Variants in EXOC6 observed in about 807,000 individuals in gnomAD.
The protein encoded by EXOC6 is SEC15-like 1.
Under a neutral mutation model 112.5 loss-of-function variants are expected in EXOC6, and 60 were observed. That is an observed-to-expected ratio of 0.53 (90% CI 0.43 to 0.66). The LOEUF (loss-of-function observed/expected upper bound fraction) is 0.66, where lower values mean the gene tolerates loss of function less well. Ranked by LOEUF, EXOC6 falls within the 30% of genes least tolerant of loss-of-function variation. The probability of loss-of-function intolerance (pLI) is 0.00; values close to 1 mark genes in which losing one functional copy is unlikely to be tolerated. For synonymous variants in EXOC6, 295 were observed against 308.0 expected (o/e 0.96, Z 0.44); for missense variants, 855 against 957.1 (o/e 0.89, Z 1.41).
chr10:92,975,857 C>T (rs1259166000), intron 18 of EXOC6, among the ~76,000 whole-genome samples: 1 of 139,486 alleles, frequency 7.2e-6, no homozygotes, highest in Non-Finnish European at 1.6e-5. Context: ...TCTGCCCGGC[C>T]GCCCCTACTG....
chr10:92,953,014 A>G (rs1853504702), intron 15 of EXOC6, among the ~76,000 whole-genome samples: 1 of 152,088 alleles, frequency 6.6e-6, no homozygotes, highest in Non-Finnish European at 1.5e-5. Flanking sequence ...TCCTTTGAGT[A>G]TATCCCCAAT....
At chr10:93,030,305 A>G (rs929508241) in intron 20 of EXOC6, among the ~76,000 whole-genome samples, 3 of 152,164 alleles carry the variant, frequency 2.0e-5, no homozygotes, top group East Asian at 1.9e-4. Flanking sequence ...AGCTCAGGCA[A>G]TCTGCCTGCC....
chr10:93,020,191 TA>T (rs1304947524), intron 20 of EXOC6, among the ~76,000 whole-genome samples: 1 of 152,184 alleles, frequency 6.6e-6, no homozygotes, highest in Non-Finnish European at 1.5e-5. Flanking sequence ...AATTCTTTTT[TA>T]GCTACAAGTC....
intron 17 of EXOC6, among the ~76,000 whole-genome samples, chr10:92,965,942 A>G (rs1218829287): frequency 6.6e-6 from 1 of 152,164 alleles, no homozygotes; most frequent in Non-Finnish European, 1.5e-5. Flanking sequence ...TCTTTGACAC[A>G]GTACAGCCCG....
At chr10:93,016,243 C>T (rs1844504873) in intron 20 of EXOC6, among the ~76,000 whole-genome samples, 2 of 152,112 alleles carry the variant, frequency 1.3e-5, no homozygotes, top group African/African-American at 4.8e-5. Context: ...AAGCAATTCT[C>T]CTGCTTTAGC....
At chr10:92,873,896 A>T (rs925231109) in intron 1 of EXOC6, among the ~76,000 whole-genome samples, 1 of 151,556 alleles carries the variant, frequency 6.6e-6, no homozygotes, top group Admixed American at 6.6e-5. Flanking sequence ...ACTAAAATAT[A>T]AAAAAAATTA....
intron 4 of EXOC6, among the ~76,000 whole-genome samples, chr10:92,895,560 A>C (rs1456368076): frequency 6.6e-6 from 1 of 152,130 alleles, no homozygotes; most frequent in East Asian, 1.9e-4. Flanking sequence ...TGTTAGGGCT[A>C]AATATTACTT....
chr10:92,840,390 AC>A (rs1846803415), intron 1 of EXOC6, among the ~76,000 whole-genome samples: 2 of 152,116 alleles, frequency 1.3e-5, no homozygotes, highest in South Asian at 4.1e-4. Flanking sequence ...TTATGATAAA[AC>A]CTATCTCAAA....
chr10:92,931,277 A>G (rs1852019109), intron 9 of EXOC6, among the ~76,000 whole-genome samples: 1 of 151,966 alleles, frequency 6.6e-6, no homozygotes, highest in Admixed American at 6.6e-5. Context: ...AAAATGGACA[A>G]AAGATTTTTT....
chr10:92,845,841 G>C (rs1302346063), upstream of EXOC6, among the ~76,000 whole-genome samples: 1 of 152,128 alleles, frequency 6.6e-6, no homozygotes, highest in Non-Finnish European at 1.5e-5. Context: ...CGGAGGCTGA[G>C]GCAGGAGAAT....
intron 17 of EXOC6, among the ~76,000 whole-genome samples, chr10:92,960,116 C>T (rs1853904221): frequency 6.6e-6 from 1 of 152,138 alleles, no homozygotes. Context: ...ACCAAGATGT[C>T]CTTCAGTAGG....
At chr10:92,930,441 TGCA>T (rs1851963251) in intron 9 of EXOC6, among the ~76,000 whole-genome samples, 1 of 151,936 alleles carries the variant, frequency 6.6e-6, no homozygotes, top group Admixed American at 6.6e-5. Flanking sequence ...AGGCAGAGGT[TGCA>T]GTGAGCCGAC....
chr10:92,848,619 TG>T lies in EXOC6; in HGVS notation c.90del (p.Thr32ProfsTer20). ...ATCGAGAGCACCGACACCGCCTGTG[TG>T]GGGCCCACCCTCCGGTAAAGATCTC... ...QEIESTDTAC[V>X]GPTLRSVYDD... On this transcript the variant is annotated frameshift_variant, in exon 1 of 22. Coordinates refer to ENST00000260762, the MANE Select transcript of EXOC6 (RefSeq NM_019053.6). LOFTEE classifies it high-confidence loss of function. The T allele has an allele frequency of 1.4e-6, 2 of 1,439,878 alleles. No individual in the cohort carries two copies. Among genetic ancestry groups the T allele is most frequent in the Non-Finnish European group, 1.9e-6 (2 of 1,079,038 alleles). The allele number at this position is 1,439,878 out of a possible 1,614,324, so 89.2% of individuals were successfully genotyped here. A position where few individuals can be genotyped will look rare whatever the true frequency, so the allele number is the denominator to read the frequency against.
rs951815678 is a variant in EXOC6 at position 92,919,847 on chromosome 10, G to T, written c.820-135G>T. On this transcript the variant is annotated intron_variant, in intron 7 of 21. Transcript: ENST00000260762. ...AGAAGGTTTTGCGTTTATAGTGTATGCTTTCTATGGGGGAATTGAATAAAT... is the reference window on the plus strand; with the variant it reads ...AGAAGGTTTTGCGTTTATAGTGTATTCTTTCTATGGGGGAATTGAATAAAT... The T allele has an allele frequency of 1.3e-5, 7 of 541,730 alleles. No homozygotes were observed. The African/African-American group carries it at 1.4e-4, about 11-fold the overall frequency. The allele number at this position is 541,730 out of a possible 1,614,324, so 33.6% of individuals were successfully genotyped here.
chr10:92,942,631 A>G (rs970901449), intron 13 of EXOC6, among the ~76,000 whole-genome samples: 1 of 152,232 alleles, frequency 6.6e-6, no homozygotes, highest in Non-Finnish European at 1.5e-5. Flanking sequence ...ATGGTAATCT[A>G]GAACATATAT....
At chr10:92,977,191 A>G (rs1842656157) in intron 18 of EXOC6, among the ~76,000 whole-genome samples, 1 of 152,134 alleles carries the variant, frequency 6.6e-6, no homozygotes, top group African/African-American at 2.4e-5. Flanking sequence ...GTGTTCCAAT[A>G]ATGGAATGCT....
chr10:92,965,547 T>TA (rs1280788452), intron 17 of EXOC6, among the ~76,000 whole-genome samples: 1 of 152,156 alleles, frequency 6.6e-6, no homozygotes, highest in Non-Finnish European at 1.5e-5. Context: ...GGTAAGGTCA[T>TA]AAGATTGAGA....
At position 92,927,118 on chromosome 10, in the gene EXOC6, C is replaced by T. The variant is rs570087271; in HGVS notation, c.889-1221C>T. On this transcript the variant is annotated intron_variant, in intron 8 of 21. Coordinates refer to ENST00000260762, the MANE Select transcript of EXOC6 (RefSeq NM_019053.6). ...TACTTTAGACAGCACTAAGAAAAGT[C>T]GTTTTTTGTAGCTACTTAAGTATAA... is the stretch of plus-strand genomic sequence containing the variant. Among the ~76,000 whole-genome samples, 10 of 152,150 alleles carry T rather than the reference C, an allele frequency of 6.6e-5. No homozygotes were observed. The East Asian group carries it at 1.7e-3, about 26-fold the overall frequency.
chr10:92,954,555 T>C, intron 15 of EXOC6, 75 bp from the exon 16 acceptor site: 1 of 666,442 alleles, frequency 1.5e-6, no homozygotes, highest in Non-Finnish European at 2.5e-6. Flanking sequence ...TAGTAAACTG[T>C]GTTAAATTAT....
Sources: allele counts gnomAD v4.1 joint callset (sites outside exome capture counted in the v4.1 genomes callset), GRCh38; gene constraint gnomAD v4.1.1; transcripts MANE v1.5; gene names NCBI Gene and HGNC (gene_info 2026-07-23, HGNC 2026-07-21).